Variants in ASAP1 observed in about 807,000 individuals in gnomAD.
ASAP1 encodes the protein ArfGAP with SH3 domain, ankyrin repeat and PH domain 1, also known as arf-GAP with SH3 domain, ANK repeat and PH domain-containing protein 1.
Under a neutral mutation model 145.2 loss-of-function variants are expected in ASAP1, and 43 were observed. The ratio of observed to expected loss-of-function variants is 0.30; its 90% CI spans 0.23 to 0.38. The LOEUF (loss-of-function observed/expected upper bound fraction) is 0.38. Ranked by LOEUF, ASAP1 falls within the 10% of genes least tolerant of loss-of-function variation. The probability of loss-of-function intolerance (pLI) is 1.00; values close to 1 mark genes in which losing one functional copy is unlikely to be tolerated. For missense variants in ASAP1, 1,018 were observed against 1,355.3 expected (o/e 0.75, Z 3.91); for synonymous variants, 546 against 515.5 (o/e 1.06, Z -0.80).
chr8:130,250,855 CAATT>C (rs1231348698), intron 3 of ASAP1, among the ~76,000 whole-genome samples: 2 of 151,928 alleles, frequency 1.3e-5, no homozygotes, highest in Admixed American at 6.6e-5. Flanking sequence ...CTGGAGAAAA[CAATT>C]AATCTGTTTA....
intron 13 of ASAP1, among the ~76,000 whole-genome samples, chr8:130,137,439 C>T (rs539741720): frequency 2.6e-5 from 4 of 152,206 alleles, no homozygotes; most frequent in African/African-American, 9.6e-5. Context: ...TGGAAATGCA[C>T]CTTTCTGGAA....
intron 1 of ASAP1, among the ~76,000 whole-genome samples, chr8:130,439,335 C>T (rs542470260): frequency 1.8e-4 from 27 of 152,170 alleles, no homozygotes; most frequent in Non-Finnish European, 3.5e-4. Flanking sequence ...TTCTGACCTC[C>T]AGAACTGTAA....
chr8:130,074,115 T>TAA (rs398068270), intron 27 of ASAP1, among the ~76,000 whole-genome samples: 5 of 146,228 alleles, frequency 3.4e-5, no homozygotes, highest in African/African-American at 9.9e-5. Flanking sequence ...AACAAGTTCT[T>TAA]AAAAAAAAAA....
At chr8:130,151,035 G>A (rs745739029) in intron 13 of ASAP1, among the ~76,000 whole-genome samples, 6 of 152,032 alleles carry the variant, frequency 3.9e-5, no homozygotes, top group Non-Finnish European at 7.4e-5. Flanking sequence ...ATGCATCTTT[G>A]ATGCCTACAC....
chr8:130,381,944 G>A (rs966299561), intron 2 of ASAP1, among the ~76,000 whole-genome samples: 1 of 151,930 alleles, frequency 6.6e-6, no homozygotes, highest in Non-Finnish European at 1.5e-5. Context: ...CCCATCTCTT[G>A]TTCTCCCTTT....
At chr8:130,385,903 G>A (rs973917363) in intron 2 of ASAP1, among the ~76,000 whole-genome samples, 5 of 152,160 alleles carry the variant, frequency 3.3e-5, no homozygotes, top group Admixed American at 1.3e-4. Context: ...TGGTTCCTGT[G>A]GGTCTCACTT....
intron 5 of ASAP1, among the ~76,000 whole-genome samples, chr8:130,194,340 C>A (rs1815337079): frequency 6.6e-6 from 1 of 151,514 alleles, no homozygotes; most frequent in South Asian, 2.1e-4. Context: ...GCAAACCAAT[C>A]TCAAGAGGAG....
At chr8:130,409,230 C>A (rs1468654766) in intron 1 of ASAP1, among the ~76,000 whole-genome samples, 2 of 151,710 alleles carry the variant, frequency 1.3e-5, no homozygotes, top group Non-Finnish European at 2.9e-5. Context: ...CCACTGCACT[C>A]CAGCCTGGGT....
chr8:130,397,440 C>T (rs536868025), intron 2 of ASAP1, among the ~76,000 whole-genome samples: 1 of 152,304 alleles, frequency 6.6e-6, no homozygotes, highest in South Asian at 2.1e-4. Flanking sequence ...CATGCCCAGC[C>T]CGTATATTTA....
At chr8:130,068,146 A>G (rs540785370) in intron 27 of ASAP1, among the ~76,000 whole-genome samples, 1 of 152,330 alleles carries the variant, frequency 6.6e-6, no homozygotes, top group South Asian at 2.1e-4. Context: ...ACTCCCCAGG[A>G]GTTGGGGCAC....
At chr8:130,236,789 A>G in intron 4 of ASAP1, 133 bp downstream of exon 4, 1 of 609,298 alleles carries the variant, frequency 1.6e-6, no homozygotes, top group African/African-American at 1.9e-5. Context: ...AGAAAAAAAG[A>G]GAAATTTCTT....
intron 13 of ASAP1, among the ~76,000 whole-genome samples, chr8:130,152,392 C>T (rs996443730): frequency 1.3e-5 from 2 of 152,130 alleles, no homozygotes; most frequent in Admixed American, 1.3e-4. Context: ...TCTACTGTTA[C>T]GTTTCCTACA....
intron 3 of ASAP1, among the ~76,000 whole-genome samples, chr8:130,276,833 GA>G (rs1820942530): frequency 6.6e-6 from 1 of 151,154 alleles, no homozygotes. Context: ...TGAGTCAACA[GA>G]AATTAAGGAA....
At chr8:130,247,919 A>G (rs947563394) in intron 3 of ASAP1, among the ~76,000 whole-genome samples, 10 of 152,148 alleles carry the variant, frequency 6.6e-5, no homozygotes, top group African/African-American at 2.4e-4. Context: ...GTACCTGCAT[A>G]CAGAAAATAG....
chr8:130,102,844 C>G (rs1261991891), intron 24 of ASAP1, among the ~76,000 whole-genome samples: 2 of 152,114 alleles, frequency 1.3e-5, no homozygotes, highest in Non-Finnish European at 2.9e-5. Flanking sequence ...TACCACCGTG[C>G]CCAAGTAATT....
intron 3 of ASAP1, among the ~76,000 whole-genome samples, chr8:130,257,064 C>G (rs770952490): frequency 2.3e-4 from 35 of 151,928 alleles, no homozygotes; most frequent in African/African-American, 7.7e-4. Flanking sequence ...TTTATAAAAA[C>G]TAATGTAACT....
chr8:130,375,050 C>T (rs571444813), intron 2 of ASAP1, among the ~76,000 whole-genome samples: 105 of 152,308 alleles, frequency 6.9e-4, no homozygotes, highest in Non-Finnish European at 1.3e-3. Context: ...CGTCCACTTG[C>T]ACATTTATGG....
chr8:130,299,495 C>A (rs907761849), intron 3 of ASAP1, among the ~76,000 whole-genome samples: 6 of 152,226 alleles, frequency 3.9e-5, no homozygotes, highest in Admixed American at 3.3e-4. Flanking sequence ...CCTTTCTCAT[C>A]CTCATCCCCT....
intron 13 of ASAP1, among the ~76,000 whole-genome samples, chr8:130,139,893 C>A (rs1463844974): frequency 1.3e-5 from 2 of 148,750 alleles, no homozygotes; most frequent in Non-Finnish European, 3.0e-5. Context: ...ATCTTACCAA[C>A]AGATACAACC....
Sources: gnomAD v4.1 joint callset for allele counts (sites outside exome capture counted in the v4.1 genomes callset) on GRCh38, gnomAD v4.1.1 for gene constraint, MANE v1.5 for transcripts, NCBI Gene and HGNC (gene_info 2026-07-23, HGNC 2026-07-21) for gene names.